The following GADD45A variants were observed in gnomAD, a reference collection of about 807,000 sequenced individuals.
The protein encoded by GADD45A is growth arrest and DNA damage inducible alpha.
Under a neutral mutation model 17.7 loss-of-function variants are expected in GADD45A, and 9 were observed. The ratio of observed to expected loss-of-function variants is 0.51; its 90% CI spans 0.31 to 0.89. The LOEUF (loss-of-function observed/expected upper bound fraction) is 0.89. Among genes scored for constraint, GADD45A ranks in the 40% least tolerant of loss-of-function variants. The pLI is 0.05. For synonymous variants in GADD45A, 95 were observed against 92.2 expected (o/e 1.03, Z -0.17); for missense variants, 149 against 220.6 (o/e 0.68, Z 2.06).
intron 3 of GADD45A, among the ~76,000 whole-genome samples, 178 bp from the exon 4 acceptor site, chr1:67,687,483 T>G (rs1404111500): frequency 2.0e-5 from 3 of 152,236 alleles, no homozygotes; most frequent in Admixed American, 2.0e-4. Context: ...TAATTACCCT[T>G]AACGCTTTTG....
At chr1:67,686,329 G>A in intron 2 of GADD45A, 21 bp from the exon 3 acceptor site, 1 of 1,605,106 alleles carries the variant, frequency 6.2e-7, no homozygotes, top group Non-Finnish European at 8.5e-7. Flanking sequence ...TGCGCTCACT[G>A]GCCCCGCCCG....
At position 67,686,371 on chromosome 1, in the gene GADD45A, G is replaced by A. The variant is rs770259342; in HGVS notation, c.168G>A (p.Leu56=). 3 of 1,613,274 alleles carry A rather than the reference G, an allele frequency of 1.9e-6. No individual in the cohort carries two copies. The highest frequency in any genetic ancestry group is 2.5e-6 in the Non-Finnish European group (3 of 1,179,746). ...LLNVDPDNVV[L]CLLAADEDDD... ...CCAGCGACCCCGATAACGTGGTGTT[G>A]TGCCTGCTGGCGGCGGACGAGGACG... Residue 56 remains leucine (L), a synonymous_variant, in exon 3 of 4, where the codon TTG becomes TTA. Transcript: ENST00000370986.
In GADD45A at chr1:67,685,437, C is replaced by G. The variant is rs1646125764; in HGVS notation, c.-58C>G. On this transcript the variant is annotated 5_prime_UTR_variant, in exon 1 of 4. Coordinates refer to ENST00000370986, the MANE Select transcript of GADD45A (RefSeq NM_001924.4). ...AGAAAGCAGGCGCCCGCGCGCTAGC[C>G]GTGGCAGGAGCAGCCCGCACGCCGC... 4 of 1,536,510 alleles carry G rather than the reference C, an allele frequency of 2.6e-6. No homozygotes were observed. The African/African-American group carries it at 4.1e-5, about 16-fold the overall frequency.
rs764467209 is a variant in GADD45A, at chr1:67,685,515, G to C, written c.21G>C (p.Ser7=). MTLEEF[S]AGEQKTERMD... ...GCAATATGACTTTGGAGGAATTCTC[G>C]GCTGGAGAGCAGAAGACCGAAAGGT... is the stretch of plus-strand genomic sequence containing the variant. The change falls in exon 1 of 4, where the codon TCG becomes TCC. Residue 7 remains serine, a synonymous_variant. Transcript: ENST00000370986. 6 of 1,610,494 alleles carry C rather than the reference G, an allele frequency of 3.7e-6. No homozygotes were observed. The African/African-American group carries it at 8.0e-5, about 22-fold the overall frequency.
chr1:67,687,791 AT>A lies in GADD45A; in HGVS notation c.*18del. The A allele has an allele frequency of 6.7e-7, 1 of 1,500,378 alleles. No homozygotes were observed. Among genetic ancestry groups the A allele is most frequent in the Non-Finnish European group, 9.3e-7 (1 of 1,077,780 alleles). 92.9% of individuals were successfully genotyped at this position (1,500,378 alleles called of 1,614,324 possible). A position where few individuals can be genotyped will look rare whatever the true frequency, so the allele number is the denominator to read the frequency against. On this transcript the variant is annotated 3_prime_UTR_variant, in exon 4 of 4. Coordinates refer to ENST00000370986, the MANE Select transcript of GADD45A (RefSeq NM_001924.4). ...GAACGGTGATGGCATCTGAATGAAA[AT>A]AACTGAACCAAATTGCACTGAAGTT...
At chr1:67,687,248 A>G (rs1646141064) in intron 3 of GADD45A, among the ~76,000 whole-genome samples, 1 of 152,200 alleles carries the variant, frequency 6.6e-6, no homozygotes, top group Non-Finnish European at 1.5e-5. Flanking sequence ...CTCTTGGAGT[A>G]TGGTTGATGG....
rs201988872 is a variant in GADD45A, at chr1:67,685,584, C to T, written c.44+46C>T. On this transcript the variant is annotated intron_variant, in intron 1 of 3. Coordinates refer to ENST00000370986, the MANE Select transcript of GADD45A (RefSeq NM_001924.4). ...TTCCGGCCCGAACTTCTCTTACCTACCCCGCGCTCCCCGGTGCAGCCGGGC... is the reference window on the plus strand; with the variant it reads ...TTCCGGCCCGAACTTCTCTTACCTATCCCGCGCTCCCCGGTGCAGCCGGGC... 109 of 1,565,076 alleles carry T rather than the reference C, an allele frequency of 7.0e-5. No individual in the cohort carries two copies. In the African/African-American group the frequency reaches 1.4e-3, roughly 20 times the overall value.
At chr1:67,685,714 G>A (rs778632770) in intron 1 of GADD45A, 176 bp downstream of exon 1, 8 of 681,262 alleles carry the variant, frequency 1.2e-5, no homozygotes, top group Non-Finnish European at 2.0e-5. Context: ...GAAAGAGCGT[G>A]CCCCCCAACC....
At chr1:67,686,713 G>A (rs1255262003) in intron 3 of GADD45A, 126 bp downstream of exon 3, 3 of 718,348 alleles carry the variant, frequency 4.2e-6, no homozygotes, top group East Asian at 5.4e-5. Context: ...TGTCCGACTA[G>A]AGTGTGGCTG....
intron 2 of GADD45A, 95 bp from the exon 3 acceptor site, chr1:67,686,255 G>A (rs1646132728): frequency 7.3e-7 from 1 of 1,378,636 alleles, no homozygotes. Context: ...CGGAAGGGAG[G>A]GGGCGAGCGG....
In GADD45A at chr1:67,686,131, G is replaced by T; in HGVS notation, c.146+5G>T. The T allele has an allele frequency of 1.2e-6, 2 of 1,606,684 alleles. No individual in the cohort carries two copies. The highest frequency in any genetic ancestry group is 1.7e-6 in the Non-Finnish European group (2 of 1,175,854). On this transcript the variant is annotated splice_donor_5th_base_variant and intron_variant, in intron 2 of 3. Coordinates refer to ENST00000370986, the MANE Select transcript of GADD45A (RefSeq NM_001924.4). Reference sequence around the variant, plus strand: ...AGCGGCCAAGCTGCTCAACGTGTAAGTGGGGCCCTTGCGCGTCCCCCATGG... The same window carrying T: ...AGCGGCCAAGCTGCTCAACGTGTAATTGGGGCCCTTGCGCGTCCCCCATGG...
At position 67,685,812 on chromosome 1, in the gene GADD45A, G is replaced by T. The variant is rs959698293; in HGVS notation, c.45-213G>T. The stretch of plus-strand genomic sequence containing the variant: ...CCGTGGCTGGCAGCCTGTGGCAGGG[G>T]CACTCTCGGGACTTCTCACGGGACG... On this transcript the variant is annotated intron_variant, in intron 1 of 3. Coordinates refer to ENST00000370986, the MANE Select transcript of GADD45A (RefSeq NM_001924.4). 6.9e-5 allele frequency: 41 copies of T among 593,256 alleles called. No individual in the cohort carries two copies. In the African/African-American group the frequency reaches 7.8e-4, roughly 11 times the overall value. The allele number at this position is 593,256 out of a possible 1,614,324, so 36.7% of individuals were successfully genotyped here.
Position 67,686,395 on chromosome 1 carries a change from C to T in GADD45A, c.192C>T (p.Asp64=). The change falls in exon 3 of 4, where the codon GAC becomes GAT. Residue 64 remains aspartate, a synonymous_variant. Coordinates refer to ENST00000370986, the MANE Select transcript of GADD45A (RefSeq NM_001924.4). The part of the protein sequence containing the change: ...VVLCLLAADE[D]DDRDVALQIH... ...TGTGCCTGCTGGCGGCGGACGAGGA[C>T]GACGACAGAGATGTGGCTCTGCAGA... The T allele has an allele frequency of 1.2e-6, 2 of 1,613,570 alleles. No individual in the cohort carries two copies. The highest frequency in any genetic ancestry group is 2.2e-5 in the East Asian group (1 of 44,876).
rs777491854 is a variant in GADD45A at position 67,686,470 on chromosome 1, C to T, written c.267C>T (p.Ile89=). The T allele has an allele frequency of 1.9e-6, 3 of 1,613,822 alleles. No individual in the cohort carries two copies. Among genetic ancestry groups the T allele is most frequent in the East Asian group, 2.2e-5 (1 of 44,864 alleles). Residue 89 remains isoleucine (I), a synonymous_variant, in exon 3 of 4, where the codon ATC becomes ATT. Coordinates refer to ENST00000370986, the MANE Select transcript of GADD45A (RefSeq NM_001924.4). ...QAFCCENDIN[I]LRVSNPGRLA... Reference sequence around the variant, plus strand: ...TTTGCTGCGAGAACGACATCAACATCCTGCGCGTCAGCAACCCGGGCCGGC... The same window carrying T: ...TTTGCTGCGAGAACGACATCAACATTCTGCGCGTCAGCAACCCGGGCCGGC...
chr1:67,687,576 T>A, intron 3 of GADD45A, 85 bp from the exon 4 acceptor site: 5 of 818,510 alleles, frequency 6.1e-6, no homozygotes, highest in Non-Finnish European at 1.0e-5. Flanking sequence ...AAATATAGAA[T>A]GTTCAAGTGT....
intron 1 of GADD45A, 193 bp downstream of exon 1, chr1:67,685,731 A>G: frequency 1.6e-6 from 1 of 638,576 alleles, no homozygotes; most frequent in East Asian, 2.8e-5. Context: ...AACCCGAACG[A>G]GCCCCGCCGG....
At position 67,686,113 on chromosome 1, in the gene GADD45A, A is replaced by G. The variant is rs1216112571; in HGVS notation, c.133A>G (p.Lys45Glu). 1 of 1,610,446 alleles carries G rather than the reference A, an allele frequency of 6.2e-7. No individual in the cohort carries two copies. Among genetic ancestry groups the G allele is most frequent in the Non-Finnish European group, 8.5e-7 (1 of 1,178,422 alleles). Reference sequence around the variant, plus strand: ...CACTGTCGGGGTGTACGAAGCGGCCAAGCTGCTCAACGTGTAAGTGGGGCC... The same window carrying G: ...CACTGTCGGGGTGTACGAAGCGGCCGAGCTGCTCAACGTGTAAGTGGGGCC... ...TITVGVYEAA[K>E]LLNVDPDNVV... Residue 45 changes from lysine to glutamate, a missense_variant, in exon 2 of 4, where the codon AAG becomes GAG. Transcript: ENST00000370986.
chr1:67,686,388 A>G lies in GADD45A; in HGVS notation c.185A>G (p.Asp62Gly). The G allele has an allele frequency of 6.2e-7, 1 of 1,613,428 alleles. No individual in the cohort carries two copies. The highest frequency in any genetic ancestry group is 1.1e-5 in the South Asian group (1 of 91,080). ...DNVVLCLLAADEDDDRDVALQ... is the reference protein window; with the variant it reads ...DNVVLCLLAAGEDDDRDVALQ... Reference sequence around the variant, plus strand: ...GTGGTGTTGTGCCTGCTGGCGGCGGACGAGGACGACGACAGAGATGTGGCT... The same window carrying G: ...GTGGTGTTGTGCCTGCTGGCGGCGGGCGAGGACGACGACAGAGATGTGGCT... The change falls in exon 3 of 4, where the codon GAC (aspartate) becomes GGC (glycine). Residue 62 changes from aspartate to glycine, a missense_variant. Asp to Gly is a moderately conservative substitution (Grantham distance 94). Transcript: ENST00000370986.
intron 1 of GADD45A, chr1:67,685,763 T>G (rs1001776325): frequency 4.5e-5 from 27 of 597,238 alleles, no homozygotes; most frequent in Non-Finnish European, 1.2e-5. Flanking sequence ...AGGGCAGCAG[T>G]GGCCGTCGCT....
Sources: gnomAD v4.1 joint callset for allele counts (sites outside exome capture counted in the v4.1 genomes callset) on GRCh38, gnomAD v4.1.1 for gene constraint, MANE v1.5 for transcripts, NCBI Gene and HGNC (gene_info 2026-07-23, HGNC 2026-07-21) for gene names.